Variants in ZNF727 observed in about 807,000 individuals in gnomAD.
The protein encoded by ZNF727 is zinc finger protein 727, also known as putative zinc finger protein 727.
Under a neutral mutation model 11.5 loss-of-function variants are expected in ZNF727, and 11 were observed. The ratio of observed to expected loss-of-function variants is 0.95; its 90% CI spans 0.60 to 1.58. ZNF727 has a LOEUF of 1.58. ZNF727 is among the 40% of genes most tolerant of loss of function. ZNF727 has a pLI of 0.00. For missense variants in ZNF727, 533 were observed against 581.7 expected, an observed-to-expected ratio of 0.92 and a Z score of 0.86; for synonymous variants, 171 against 196.1, an observed-to-expected ratio of 0.87 and a Z score of 1.07.
chr7:64,051,564 A>T (rs1243053389), intron 1 of ZNF727, among the ~76,000 whole-genome samples: 1 of 152,196 alleles, frequency 6.6e-6, no homozygotes, highest in African/African-American at 2.4e-5. Context: ...TTAATTAATT[A>T]TTATGTGGGT....
chr7:64,059,080 G>C (rs1333009928), intron 1 of ZNF727, among the ~76,000 whole-genome samples: 1 of 152,002 alleles, frequency 6.6e-6, no homozygotes, highest in East Asian at 1.9e-4. Context: ...GAGTAGCTGG[G>C]ATTACATGTG....
At position 64,078,641 on chromosome 7, in the gene ZNF727, T is replaced by G; in HGVS notation, c.*92T>G. Reference sequence around the variant, plus strand: ...TTAGTAAACACAAGAGAATTCATACTGGAGAGAAACCCTACATTTGTGAAG... The same window carrying G: ...TTAGTAAACACAAGAGAATTCATACGGGAGAGAAACCCTACATTTGTGAAG... On this transcript the variant is annotated 3_prime_UTR_variant, in exon 4 of 4. Coordinates refer to ENST00000456806, the MANE Select transcript of ZNF727 (RefSeq NM_001159522.3). The G allele has an allele frequency of 7.2e-7, 1 of 1,395,794 alleles. No individual in the cohort carries two copies. Among genetic ancestry groups the G allele is most frequent in the Non-Finnish European group, 1.0e-6 (1 of 989,656 alleles). 86.5% of individuals were successfully genotyped at this position (1,395,794 alleles called of 1,614,324 possible). A position where few individuals can be genotyped will look rare whatever the true frequency, so the allele number is the denominator to read the frequency against.
chr7:64,066,797 C>T (rs1216948738), intron 1 of ZNF727, among the ~76,000 whole-genome samples: 2 of 152,096 alleles, frequency 1.3e-5, no homozygotes, highest in Non-Finnish European at 2.9e-5. Context: ...CCAAAATTGA[C>T]AAATGCGATC....
rs1789690161 is a variant in ZNF727, at chr7:64,056,620, A to G, written c.3+10996A>G. Among the ~76,000 whole-genome samples the G allele has an allele frequency of 4.6e-5, 4 of 87,350 alleles. No homozygotes were observed. The Admixed American group carries it at 4.7e-4, about 10-fold the overall frequency. The allele number at this position is 87,350 out of a possible 152,430, so 57.3% of individuals were successfully genotyped here. On this transcript the variant is annotated intron_variant, in intron 1 of 3. Transcript: ENST00000456806. ...TGAAAATTAAAATATTTATCAGTGT[A>G]GTTAACTGAGTAACAGTAATAAGAA...
At chr7:64,047,446 TCTC>T (rs1562788846) in intron 1 of ZNF727, among the ~76,000 whole-genome samples, 3 of 152,164 alleles carry the variant, frequency 2.0e-5, no homozygotes, top group African/African-American at 7.2e-5. Context: ...CCTCTCATCT[TCTC>T]TAGGCACGCG....
chr7:64,056,010 A>T (rs1357038739), intron 1 of ZNF727, among the ~76,000 whole-genome samples: 1 of 152,160 alleles, frequency 6.6e-6, no homozygotes, highest in Non-Finnish European at 1.5e-5. Context: ...GAGTTAAAAA[A>T]CATTCTAATT....
Position 64,078,324 on chromosome 7 carries a change from A to G in ZNF727, c.1275A>G (p.Lys425=). The change falls in exon 4 of 4, where the codon AAA becomes AAG. Residue 425 remains lysine (K), a synonymous_variant. Coordinates refer to ENST00000456806, the MANE Select transcript of ZNF727 (RefSeq NM_001159522.3). The part of the protein sequence containing the change: ...KRIHMEVRPY[K]CEECGKTFKW... ...TTCATATGGAAGTGAGACCTTACAAATGTGAAGAATGTGGCAAAACCTTTA... is the reference window on the plus strand; with the variant it reads ...TTCATATGGAAGTGAGACCTTACAAGTGTGAAGAATGTGGCAAAACCTTTA... The G allele has an allele frequency of 6.3e-7, 1 of 1,575,854 alleles. No homozygotes were observed. The highest frequency in any genetic ancestry group is 1.9e-5 in the Admixed American group (1 of 53,870).
intron 1 of ZNF727, among the ~76,000 whole-genome samples, chr7:64,061,787 G>A (rs776473790): frequency 6.6e-6 from 1 of 150,974 alleles, no homozygotes; most frequent in Non-Finnish European, 1.5e-5. Flanking sequence ...CATTTATCCT[G>A]TCTTTATTTT....
chr7:64,076,787 G>C (rs1785667275), intron 3 of ZNF727, among the ~76,000 whole-genome samples: 1 of 152,098 alleles, frequency 6.6e-6, no homozygotes, highest in Non-Finnish European at 1.5e-5. Context: ...CCCATTCTCT[G>C]TCTATGACAC....
chr7:64,069,451 A>G (rs1249329392), intron 2 of ZNF727, 63 bp from the exon 3 acceptor site: 9 of 1,271,096 alleles, frequency 7.1e-6, no homozygotes, highest in Non-Finnish European at 1.0e-5. Context: ...TACTGAGCAT[A>G]GTACTAGATT....
At chr7:64,055,553 T>C (rs567779035) in intron 1 of ZNF727, among the ~76,000 whole-genome samples, 25 of 152,348 alleles carry the variant, frequency 1.6e-4, no homozygotes, top group Non-Finnish European at 2.1e-4. Flanking sequence ...CACTGTCTTA[T>C]AACCACCATT....
At chr7:64,056,501 C>T (rs956622011) in intron 1 of ZNF727, among the ~76,000 whole-genome samples, 2 of 152,136 alleles carry the variant, frequency 1.3e-5, no homozygotes, top group African/African-American at 4.8e-5. Context: ...TACACAGGCT[C>T]TTTGTGTCTC....
intron 1 of ZNF727, among the ~76,000 whole-genome samples, chr7:64,048,435 A>AT: frequency 6.6e-6 from 1 of 152,314 alleles, no homozygotes; most frequent in East Asian, 1.9e-4. Context: ...AAATAAATAC[A>AT]TTTTTACAAG....
chr7:64,078,552 C>G lies in ZNF727; in HGVS notation c.*3C>G, dbSNP rs375140618. ...AGACCTTACTAAACATAAGGTAATT[C>G]ATACTGGAGATAAACCTTACAAATG... is the stretch of plus-strand genomic sequence containing the variant. On this transcript the variant is annotated 3_prime_UTR_variant, in exon 4 of 4. Transcript: ENST00000456806. 1.0e-4 allele frequency: 156 copies of G among 1,555,898 alleles called. No homozygotes were observed. The highest frequency in any genetic ancestry group is 1.3e-4 in the Non-Finnish European group (148 of 1,150,236).
intron 1 of ZNF727, among the ~76,000 whole-genome samples, chr7:64,048,929 A>G (rs1789550257): frequency 6.6e-6 from 1 of 152,172 alleles, no homozygotes; most frequent in African/African-American, 2.4e-5. Flanking sequence ...GCAGAAAGTT[A>G]GAGAGAATTT....
chr7:64,082,060 C>T lies in ZNF727; in HGVS notation c.*3511C>T, dbSNP rs1447831074. The stretch of plus-strand genomic sequence containing the variant: ...CCCATGGAGGATGGACTGGCCCTCT[C>T]TCCTTGGGTAAACTACAGCTCGTTT... On this transcript the variant is annotated 3_prime_UTR_variant, in exon 4 of 4. Transcript: ENST00000456806. Among the ~76,000 whole-genome samples, 4 of 152,126 alleles carry T rather than the reference C, an allele frequency of 2.6e-5. No homozygotes were observed. Among genetic ancestry groups the T allele is most frequent in the Non-Finnish European group, 4.4e-5 (3 of 68,026 alleles).
intron 1 of ZNF727, among the ~76,000 whole-genome samples, chr7:64,068,573 T>A (rs1789907396): frequency 6.6e-6 from 1 of 152,138 alleles, no homozygotes; most frequent in African/African-American, 2.4e-5. Flanking sequence ...CCATGAAGTT[T>A]CCATGTGGGA....
At chr7:64,054,104 T>C (rs1562790742) in intron 1 of ZNF727, among the ~76,000 whole-genome samples, 1 of 152,140 alleles carries the variant, frequency 6.6e-6, no homozygotes, top group Non-Finnish European at 1.5e-5. Flanking sequence ...ATGCAGAGGC[T>C]CTCTCAGTAA....
chr7:64,053,860 C>T (rs570984501), intron 1 of ZNF727, among the ~76,000 whole-genome samples: 1 of 152,340 alleles, frequency 6.6e-6, no homozygotes, highest in South Asian at 2.1e-4. Context: ...CGGGACATGA[C>T]TGCTTCCTCA....
Sources: gnomAD v4.1 joint callset for allele counts (sites outside exome capture counted in the v4.1 genomes callset) on GRCh38, gnomAD v4.1.1 for gene constraint, MANE v1.5 for transcripts, NCBI Gene and HGNC (gene_info 2026-07-23, HGNC 2026-07-21) for gene names.